Variants in FANCB observed in about 807,000 individuals in gnomAD.
FANCB encodes Fanconi anemia group B protein.
A neutral mutation model predicts 38.9 loss-of-function variants in FANCB; 5 were observed. The observed-to-expected ratio is 0.13, with a 90% CI of 0.07 to 0.27. FANCB has a LOEUF of 0.27. Ranked by LOEUF, FANCB falls within the 10% of genes least tolerant of loss-of-function variation. The probability of loss-of-function intolerance (pLI) is 1.00; values close to 1 mark genes in which losing one functional copy is unlikely to be tolerated. For synonymous variants in FANCB, 236 were observed against 215.4 expected (o/e 1.10, Z -0.84); for missense variants, 573 against 602.7 (o/e 0.95, Z 0.52).
At chrX:14,822,934 T>A in the FANCB span, among the ~76,000 whole-genome samples, 3 of 111,309 alleles carry the variant, frequency 2.7e-5, no homozygotes, top group Non-Finnish European at 5.7e-5. Flanking sequence ...GGAATCACAT[T>A]ATATTTGGTG....
chrX:14,798,046 C>T, the FANCB span, among the ~76,000 whole-genome samples: 16 of 111,572 alleles, frequency 1.4e-4, no homozygotes, highest in East Asian at 3.1e-3. Context: ...ATCATGCAAG[C>T]GGGTGTGAAA....
chrX:14,801,954 C>T, the FANCB span, among the ~76,000 whole-genome samples: 3 of 111,284 alleles, frequency 2.7e-5, no homozygotes, highest in Non-Finnish European at 5.7e-5. Flanking sequence ...CTTTAAGAGC[C>T]TTATGATTTC....
chrX:14,719,498 A>G, the FANCB span, among the ~76,000 whole-genome samples: 1 of 112,193 alleles, frequency 8.9e-6, no homozygotes, highest in African/African-American at 3.2e-5. Flanking sequence ...CAAAATCACA[A>G]TGAGATATCA....
chrX:14,787,639 T>C, the FANCB span, among the ~76,000 whole-genome samples: 2 of 108,503 alleles, frequency 1.8e-5, no homozygotes, highest in Non-Finnish European at 3.8e-5. Flanking sequence ...AAACATCACA[T>C]TGTCCCCCCT....
the FANCB span, chrX:14,730,312 C>A: frequency 2.4e-5 from 29 of 1,208,233 alleles, no homozygotes; most frequent in Middle Eastern, 1.4e-3. Flanking sequence ...ACCTGCCAAC[C>A]CACTCCCACA....
At chrX:14,740,989 C>A in the FANCB span, among the ~76,000 whole-genome samples, 2 of 111,172 alleles carry the variant, frequency 1.8e-5, no homozygotes, top group South Asian at 7.6e-4. Flanking sequence ...CACACACACA[C>A]GAACACACGA....
the FANCB span, among the ~76,000 whole-genome samples, chrX:14,711,779 G>A: frequency 8.0e-5 from 9 of 112,686 alleles, no homozygotes; most frequent in Non-Finnish European, 1.5e-4. Context: ...TAGTGGCAGA[G>A]CCAAGATTTG....
chrX:14,830,706 C>A, the FANCB span, among the ~76,000 whole-genome samples: 4 of 111,630 alleles, frequency 3.6e-5, no homozygotes, highest in Non-Finnish European at 7.5e-5. Flanking sequence ...GACATGGTCA[C>A]CTATGTAAAA....
At chrX:14,814,439 T>G in the FANCB span, among the ~76,000 whole-genome samples, 1 of 112,275 alleles carries the variant, frequency 8.9e-6, no homozygotes, top group Non-Finnish European at 1.9e-5. Flanking sequence ...AACAAAGGGC[T>G]AATATCCAGA....
the FANCB span, chrX:14,731,859 TTTAC>T: frequency 9.0e-5 from 10 of 111,461 alleles, no homozygotes; most frequent in Non-Finnish European, 1.7e-4. Flanking sequence ...AATGTAGATA[TTTAC>T]TTTATCTCAT....
chrX:14,868,427 TG>T (rs1166661268), intron 2 of FANCB, among the ~76,000 whole-genome samples: 10 of 111,920 alleles, frequency 8.9e-5, no homozygotes, highest in Non-Finnish European at 1.7e-4. Flanking sequence ...TGTAACAACA[TG>T]GGTGGACTTG....
At chrX:14,700,688 A>G in the FANCB span, among the ~76,000 whole-genome samples, 1 of 111,113 alleles carries the variant, frequency 9.0e-6, no homozygotes, top group African/African-American at 3.3e-5. Flanking sequence ...TGAAGTGGAC[A>G]GTGAGGAAGT....
At chrX:14,851,842 T>C (rs1330237504) in intron 6 of FANCB, among the ~76,000 whole-genome samples, 2 of 112,086 alleles carry the variant, frequency 1.8e-5, no homozygotes, top group Non-Finnish European at 3.8e-5. Context: ...CACAATGTTT[T>C]TTTGTTACGT....
chrX:14,716,888 G>A, the FANCB span, among the ~76,000 whole-genome samples: 4 of 111,209 alleles, frequency 3.6e-5, no homozygotes, highest in Admixed American at 9.5e-5. Flanking sequence ...TTTGCACATC[G>A]CCTTGTATGT....
At chrX:14,734,589 T>C in the FANCB span, among the ~76,000 whole-genome samples, 8 of 112,338 alleles carry the variant, frequency 7.1e-5, no homozygotes, top group African/African-American at 1.9e-4. Context: ...TTTAGAGAGA[T>C]CCACTGTTAG....
At chrX:14,735,187 G>A in the FANCB span, among the ~76,000 whole-genome samples, 309 of 108,957 alleles carry the variant, frequency 2.8e-3, no homozygotes, top group African/African-American at 9.7e-3. Context: ...TGCTCCTTTA[G>A]CTCAGAGGAG....
the FANCB span, among the ~76,000 whole-genome samples, chrX:14,776,165 G>T: frequency 1.8e-5 from 2 of 111,720 alleles, no homozygotes; most frequent in Non-Finnish European, 3.8e-5. Context: ...GGCAGGAATG[G>T]TGGAAATAAA....
chrX:14,848,700 C>G lies in FANCB; in HGVS notation c.1496+1805G>C, dbSNP rs192659896. ...CACACTATATTGTAAATTCTTATCTCTGTATACTGTACTTCTACATACAAA... is the reference window on the plus strand; with the variant it reads ...CACACTATATTGTAAATTCTTATCTGTGTATACTGTACTTCTACATACAAA... On this transcript the variant is annotated intron_variant, in intron 7 of 9. Coordinates refer to ENST00000650831, the MANE Select transcript of FANCB (RefSeq NM_001018113.3). 4.4e-3 allele frequency among the ~76,000 whole-genome samples: 490 copies of G among 111,982 alleles called. 1 individual carries two copies. The highest frequency in any genetic ancestry group is 0.015 in the African/African-American group (468 of 30,802).
the FANCB span, among the ~76,000 whole-genome samples, chrX:14,724,209 G>C: frequency 6.3e-5 from 7 of 111,787 alleles, no homozygotes; most frequent in Non-Finnish European, 1.1e-4. Context: ...TTGTTTACTT[G>C]TTACTGTTTC....
Sources: gnomAD v4.1 joint callset for allele counts (sites outside exome capture counted in the v4.1 genomes callset) on GRCh38, gnomAD v4.1.1 for gene constraint, MANE v1.5 for transcripts, NCBI Gene and HGNC (gene_info 2026-07-23, HGNC 2026-07-21) for gene names.